Variants in SGCD observed in about 807,000 individuals in gnomAD.
The protein encoded by SGCD is delta-sarcoglycan.
SGCD carries 18 observed loss-of-function variants against 36.6 expected under a neutral mutation model. The observed-to-expected ratio is 0.49, with a 90% CI of 0.34 to 0.73. The LOEUF (loss-of-function observed/expected upper bound fraction) is 0.73. Ranked by LOEUF, SGCD falls within the 30% of genes least tolerant of loss-of-function variation. The pLI, the probability that SGCD is intolerant of heterozygous loss-of-function variation, is 0.01. For synonymous variants in SGCD, 133 were observed against 130.6 expected (o/e 1.02, Z -0.12); for missense variants, 387 against 346.7 (o/e 1.12, Z -0.92).
intron 5 of SGCD, among the ~76,000 whole-genome samples, chr5:156,593,493 A>G (rs1161800511): frequency 6.6e-6 from 1 of 152,156 alleles, no homozygotes; most frequent in African/African-American, 2.4e-5. Context: ...ATCCTGGCTA[A>G]TAAGAGTGAC....
At chr5:155,830,713 T>A in the SGCD span, among the ~76,000 whole-genome samples, 1 of 152,238 alleles carries the variant, frequency 6.6e-6, no homozygotes, top group African/African-American at 2.4e-5. Flanking sequence ...TAATAAATTG[T>A]CACTATTTGT....
the SGCD span, among the ~76,000 whole-genome samples, chr5:155,839,891 T>C: frequency 6.6e-6 from 1 of 152,110 alleles, no homozygotes; most frequent in Non-Finnish European, 1.5e-5. Flanking sequence ...TCAGAATGGG[T>C]TTACGATTCA....
At chr5:156,000,699 TA>T (rs761192273) in intron 1 of SGCD, among the ~76,000 whole-genome samples, 80 of 152,064 alleles carry the variant, frequency 5.3e-4, no homozygotes, top group Non-Finnish European at 1.0e-3. Flanking sequence ...CGAGGAACCC[TA>T]GGGTTCTGCC....
At chr5:156,369,059 C>T (rs1321306133) in intron 3 of SGCD, among the ~76,000 whole-genome samples, 1 of 152,134 alleles carries the variant, frequency 6.6e-6, no homozygotes, top group African/African-American at 2.4e-5. Flanking sequence ...TAATTCTCTG[C>T]AGCTCTGAGA....
the SGCD span, among the ~76,000 whole-genome samples, chr5:155,808,899 G>A: frequency 1.3e-5 from 2 of 152,204 alleles, no homozygotes; most frequent in African/African-American, 2.4e-5. Context: ...TTTTAATGAC[G>A]TGGTAGAACC....
intron 3 of SGCD, among the ~76,000 whole-genome samples, chr5:156,259,642 T>A (rs1042750010): frequency 4.6e-5 from 7 of 152,192 alleles, no homozygotes; most frequent in Admixed American, 3.9e-4. Flanking sequence ...GTTTATTTTT[T>A]AATATCTGCT....
intron 3 of SGCD, among the ~76,000 whole-genome samples, chr5:156,207,586 G>T (rs534918427): frequency 6.6e-6 from 1 of 151,932 alleles, no homozygotes. Flanking sequence ...TAGTAGTTTG[G>T]TGCAAAAGTA....
the SGCD span, among the ~76,000 whole-genome samples, chr5:155,837,099 C>T: frequency 6.6e-6 from 1 of 152,152 alleles, no homozygotes; most frequent in South Asian, 2.1e-4. Context: ...TTTTCCTTAG[C>T]AATGTGTAGT....
chr5:156,029,359 T>C (rs1274188167), intron 1 of SGCD, among the ~76,000 whole-genome samples: 4 of 152,100 alleles, frequency 2.6e-5, no homozygotes, highest in Non-Finnish European at 5.9e-5. Flanking sequence ...CTGACACACA[T>C]ACAAACACAC....
chr5:156,541,525 A>G (rs941686101), intron 4 of SGCD, among the ~76,000 whole-genome samples: 18 of 152,136 alleles, frequency 1.2e-4, no homozygotes, highest in Non-Finnish European at 8.8e-5. Flanking sequence ...GAACAAGGAA[A>G]CCAAGGGAAG....
At chr5:156,665,322 T>C (rs1463436459) in intron 7 of SGCD, among the ~76,000 whole-genome samples, 3 of 152,162 alleles carry the variant, frequency 2.0e-5, no homozygotes, top group Non-Finnish European at 4.4e-5. Context: ...CCTCCTGTAA[T>C]TGATTATAGT....
chr5:156,083,110 G>A (rs1192587626), intron 1 of SGCD, among the ~76,000 whole-genome samples: 1 of 151,698 alleles, frequency 6.6e-6, no homozygotes, highest in Non-Finnish European at 1.5e-5. Context: ...TTCTCTAATT[G>A]AATTGTCTTT....
chr5:156,321,216 G>A (rs944836676), intron 3 of SGCD, among the ~76,000 whole-genome samples: 1 of 152,086 alleles, frequency 6.6e-6, no homozygotes, highest in Non-Finnish European at 1.5e-5. Context: ...TCAGAAGATC[G>A]AGACCATCCT....
intron 4 of SGCD, among the ~76,000 whole-genome samples, chr5:156,584,488 A>G (rs1760411041): frequency 6.6e-6 from 1 of 152,222 alleles, no homozygotes; most frequent in Non-Finnish European, 1.5e-5. Flanking sequence ...AAATGTTAAT[A>G]CAGTGGATTA....
intron 1 of SGCD, among the ~76,000 whole-genome samples, chr5:155,871,481 G>T (rs900170633): frequency 6.6e-6 from 1 of 152,308 alleles, no homozygotes; most frequent in East Asian, 1.9e-4. Flanking sequence ...AAGATGGTAA[G>T]AAAAGCCTGG....
intron 3 of SGCD, among the ~76,000 whole-genome samples, chr5:156,246,215 T>C (rs1312263900): frequency 6.6e-6 from 1 of 152,206 alleles, no homozygotes; most frequent in Admixed American, 6.5e-5. Flanking sequence ...GCTTAATGTT[T>C]CTGTGATCTA....
At chr5:155,852,491 A>G in the SGCD span, among the ~76,000 whole-genome samples, 1 of 152,158 alleles carries the variant, frequency 6.6e-6, no homozygotes, top group African/African-American at 2.4e-5. Flanking sequence ...TAACTTTTAT[A>G]ATTATTTCTC....
At chr5:156,747,918 C>A (rs1194464350) in intron 7 of SGCD, among the ~76,000 whole-genome samples, 2 of 152,078 alleles carry the variant, frequency 1.3e-5, no homozygotes, top group Non-Finnish European at 1.5e-5. Context: ...GAAAACTTTT[C>A]CTCAAAAAGA....
intron 2 of SGCD, among the ~76,000 whole-genome samples, chr5:156,339,653 A>G (rs1027868673): frequency 5.9e-5 from 9 of 152,216 alleles, no homozygotes; most frequent in Non-Finnish European, 1.2e-4. Context: ...TTATGTTTAT[A>G]CTGTAGTATT....
Sources: allele counts gnomAD v4.1 joint callset (sites outside exome capture counted in the v4.1 genomes callset), GRCh38; gene constraint gnomAD v4.1.1; transcripts MANE v1.5; gene names NCBI Gene and HGNC (gene_info 2026-07-23, HGNC 2026-07-21).